NRF1: variants seen among roughly 807,000 people sequenced by gnomAD.
NRF1 encodes the protein alpha palindromic-binding protein.
In NRF1, 5 loss-of-function variants were observed where a neutral mutation model predicts 58.5. The observed-to-expected ratio is 0.09, with a 90% CI of 0.04 to 0.18. The LOEUF (loss-of-function observed/expected upper bound fraction) is 0.18, where lower values mean the gene tolerates loss of function less well. Ranked by LOEUF, NRF1 falls within the 10% of genes least tolerant of loss-of-function variation. The probability of loss-of-function intolerance (pLI) is 1.00; values close to 1 mark genes in which losing one functional copy is unlikely to be tolerated. For missense variants in NRF1, 288 were observed against 657.7 expected, an observed-to-expected ratio of 0.44 and a Z score of 6.15; for synonymous variants, 224 against 246.7, an observed-to-expected ratio of 0.91 and a Z score of 0.86.
intron 1 of NRF1, among the ~76,000 whole-genome samples, chr7:129,615,387 G>A (rs747465914): frequency 6.7e-6 from 1 of 149,778 alleles, no homozygotes; most frequent in Non-Finnish European, 1.5e-5. Context: ...AATCATCTAG[G>A]AAATGGGATA....
At chr7:129,754,799 A>G (rs538630452) in intron 10 of NRF1, among the ~76,000 whole-genome samples, 1 of 152,308 alleles carries the variant, frequency 6.6e-6, no homozygotes, top group East Asian at 1.9e-4. Flanking sequence ...CCCCATAAAC[A>G]TGAACAGTTA....
chr7:129,744,385 C>A (rs1803922590), intron 10 of NRF1, among the ~76,000 whole-genome samples: 1 of 152,048 alleles, frequency 6.6e-6, no homozygotes, highest in African/African-American at 2.4e-5. Context: ...CCATTGATTC[C>A]ATTGATTATC....
intron 1 of NRF1, among the ~76,000 whole-genome samples, chr7:129,640,495 G>A (rs1002443143): frequency 6.6e-6 from 1 of 152,156 alleles, no homozygotes; most frequent in African/African-American, 2.4e-5. Flanking sequence ...AGGTGATTGA[G>A]TGAGACCCTG....
At chr7:129,670,061 G>A (rs1297383184) in intron 2 of NRF1, among the ~76,000 whole-genome samples, 1 of 152,060 alleles carries the variant, frequency 6.6e-6, no homozygotes, top group African/African-American at 2.4e-5. Flanking sequence ...TCAACCTTGG[G>A]GACATTATGA....
At chr7:129,657,644 CTG>C (rs1801689683) in intron 2 of NRF1, 70 bp downstream of exon 2, 2 of 1,008,930 alleles carry the variant, frequency 2.0e-6, no homozygotes, top group African/African-American at 1.7e-5. Flanking sequence ...GCGTCTCACT[CTG>C]TTGCTCAGGC....
chr7:129,702,085 C>T (rs6966662), intron 5 of NRF1, among the ~76,000 whole-genome samples: 151,638 of 152,316 alleles, frequency 1, 75,487 homozygotes, highest in Non-Finnish European at 1. Context: ...TTCATCAAGC[C>T]CATGCCTCTG....
chr7:129,668,365 T>A (rs1188951784), intron 2 of NRF1, among the ~76,000 whole-genome samples: 1 of 152,248 alleles, frequency 6.6e-6, no homozygotes, highest in Non-Finnish European at 1.5e-5. Flanking sequence ...AGTATAGCCT[T>A]GTAATTACTA....
intron 1 of NRF1, among the ~76,000 whole-genome samples, chr7:129,615,287 T>G (rs1468610300): frequency 6.6e-6 from 1 of 152,170 alleles, no homozygotes; most frequent in African/African-American, 2.4e-5. Context: ...TGTGAAAAAT[T>G]GAAGGGTGAG....
intron 5 of NRF1, among the ~76,000 whole-genome samples, chr7:129,700,713 T>A (rs1193264031): frequency 6.6e-6 from 1 of 150,732 alleles, no homozygotes; most frequent in Non-Finnish European, 1.5e-5. Context: ...AGGCCAGGAG[T>A]TTTGAGACAA....
Position 129,755,004 on chromosome 7 carries a change from CTT to C in NRF1, c.1349-12_1349-11del. On this transcript the variant is annotated splice_polypyrimidine_tract_variant and intron_variant, in intron 10 of 10. Coordinates refer to ENST00000393232, the MANE Select transcript of NRF1 (RefSeq NM_005011.5). This position sits in a 1 kb window ranked among gnomAD's most constrained non-coding sequence, Gnocchi z 5.8. ...GCCTGAGCCCCACCAACGGTCTTCT[CTT>C]TGTCTCTCCAGGCCTGGTCCAGATC... is the stretch of plus-strand genomic sequence containing the variant. 6.4e-7 allele frequency: 1 copy of C among 1,573,398 alleles called. No individual in the cohort carries two copies. Among genetic ancestry groups the C allele is most frequent in the African/African-American group, 1.4e-5 (1 of 72,812 alleles).
At chr7:129,682,414 C>T (rs1382116582) in intron 4 of NRF1, among the ~76,000 whole-genome samples, 2 of 150,762 alleles carry the variant, frequency 1.3e-5, no homozygotes, top group Non-Finnish European at 3.0e-5. Flanking sequence ...GCTGTGATTG[C>T]ACCACTGCAC....
chr7:129,709,656 A>G (rs1803025645), intron 6 of NRF1, among the ~76,000 whole-genome samples: 1 of 152,112 alleles, frequency 6.6e-6, no homozygotes, highest in Non-Finnish European at 1.5e-5. Flanking sequence ...CAAAACTTTT[A>G]CAAGAAAGAC....
chr7:129,635,542 C>G (rs899190824), intron 1 of NRF1, among the ~76,000 whole-genome samples: 2 of 152,180 alleles, frequency 1.3e-5, no homozygotes, highest in African/African-American at 4.8e-5. Flanking sequence ...TCTGTTCTCC[C>G]AGGAGAAGGG....
At chr7:129,653,442 T>TAA (rs1801581586) in intron 1 of NRF1, among the ~76,000 whole-genome samples, 2 of 152,206 alleles carry the variant, frequency 1.3e-5, no homozygotes, top group Non-Finnish European at 2.9e-5. Flanking sequence ...TGAGCCCACA[T>TAA]TGACACGTCA....
rs781231155 is a variant in NRF1, at chr7:129,657,327, C to G, written c.-6-19C>G. ...TTACACACTGAATCCTGTTCTTTTT[C>G]TTTTTTGTCTGACAGTAGAACTTCA... On this transcript the variant is annotated intron_variant, in intron 1 of 10. Transcript: ENST00000393232. 1 of 1,551,398 alleles carries G rather than the reference C, an allele frequency of 6.4e-7. No homozygotes were observed. Among genetic ancestry groups the G allele is most frequent in the East Asian group, 2.2e-5 (1 of 44,462 alleles).
At chr7:129,732,191 C>A (rs1803596825) in intron 10 of NRF1, among the ~76,000 whole-genome samples, 2 of 152,176 alleles carry the variant, frequency 1.3e-5, no homozygotes, top group Admixed American at 1.3e-4. Context: ...GCCTATAGAC[C>A]TTTCTCTTCC....
intron 8 of NRF1, among the ~76,000 whole-genome samples, chr7:129,713,099 T>TC (rs1803113006): frequency 6.6e-6 from 1 of 150,730 alleles, no homozygotes; most frequent in South Asian, 2.1e-4. Flanking sequence ...TTTCCTTTTT[T>TC]TTTTTTTTTT....
At chr7:129,695,077 A>G (rs1404662334) in intron 5 of NRF1, among the ~76,000 whole-genome samples, 2 of 152,214 alleles carry the variant, frequency 1.3e-5, no homozygotes, top group Non-Finnish European at 2.9e-5. Flanking sequence ...TATTTGTGGT[A>G]TGTTAAATTA....
chr7:129,673,453 G>A (rs554247311), intron 3 of NRF1, among the ~76,000 whole-genome samples: 2 of 152,292 alleles, frequency 1.3e-5, no homozygotes, highest in East Asian at 3.9e-4. Context: ...TTCGGGGTCG[G>A]GCGCGGTGGC....
Sources: gnomAD v4.1 joint callset for allele counts (sites outside exome capture counted in the v4.1 genomes callset) on GRCh38, gnomAD v4.1.1 for gene constraint, Gnocchi (gnomAD v3.1) non-coding constraint, MANE v1.5 for transcripts, NCBI Gene and HGNC (gene_info 2026-07-23, HGNC 2026-07-21) for gene names.